The following KIAA0825 variants were observed in gnomAD, a reference collection of about 807,000 sequenced individuals.
The protein encoded by KIAA0825 is uncharacterized protein KIAA0825.
Under a neutral mutation model 147.6 loss-of-function variants are expected in KIAA0825, and 119 were observed. The ratio of observed to expected loss-of-function variants is 0.81; its 90% confidence interval spans 0.69 to 0.94. The LOEUF (loss-of-function observed/expected upper bound fraction) is 0.94, where lower values mean the gene tolerates loss of function less well. KIAA0825 is among the 40% of genes least tolerant of loss of function. KIAA0825 has a pLI of 0.00. For missense variants in KIAA0825, 1,381 were observed against 1,472.7 expected, an observed-to-expected ratio of 0.94 and a Z score of 1.02; for synonymous variants, 470 against 518.1, an observed-to-expected ratio of 0.91 and a Z score of 1.26.
At chr5:94,349,769 G>T (rs991967997) in intron 20 of KIAA0825, among the ~76,000 whole-genome samples, 1 of 152,106 alleles carries the variant, frequency 6.6e-6, no homozygotes, top group Non-Finnish European at 1.5e-5. Flanking sequence ...AAAACCTCTA[G>T]GCTATAGCAA....
At chr5:94,222,381 A>G (rs1476331288) in intron 20 of KIAA0825, among the ~76,000 whole-genome samples, 1 of 152,200 alleles carries the variant, frequency 6.6e-6, no homozygotes, top group Non-Finnish European at 1.5e-5. Flanking sequence ...TAATGAAAGG[A>G]TCAAGGAGTG....
chr5:94,181,252 G>C (rs1002849126), intron 20 of KIAA0825, among the ~76,000 whole-genome samples: 8 of 152,174 alleles, frequency 5.3e-5, no homozygotes, highest in Admixed American at 3.9e-4. Context: ...TTTAGAATCA[G>C]AAAAGAGAAT....
intron 16 of KIAA0825, 90 bp from the exon 17 acceptor site, chr5:94,396,599 G>A: frequency 9.1e-7 from 1 of 1,102,026 alleles, no homozygotes; most frequent in East Asian, 2.9e-5. Context: ...TCTAATTTTT[G>A]TGGAGAAAAT....
intron 4 of KIAA0825, among the ~76,000 whole-genome samples, chr5:94,521,860 C>T (rs1258139423): frequency 6.6e-6 from 1 of 151,598 alleles, no homozygotes; most frequent in Non-Finnish European, 1.5e-5. Flanking sequence ...AAGCAAGGTC[C>T]AAGTGGCATA....
At chr5:94,431,693 T>G (rs1373817667) in intron 14 of KIAA0825, among the ~76,000 whole-genome samples, 1 of 152,150 alleles carries the variant, frequency 6.6e-6, no homozygotes, top group African/African-American at 2.4e-5. Flanking sequence ...TTTCAAAGGC[T>G]CTGTAGCAGG....
intron 2 of KIAA0825, among the ~76,000 whole-genome samples, chr5:94,539,841 A>G (rs2151362688): frequency 1.3e-5 from 2 of 152,214 alleles, no homozygotes; most frequent in Admixed American, 1.3e-4. Context: ...TTGGCTAAGA[A>G]TGGGTTTGGC....
rs953764977 is a variant in KIAA0825 at position 94,618,588 on chromosome 5, G to A, written c.-241C>T. ...CACCAGGTATTACCACCCTGGCGAC[G>A]GCTCCGGAGCGTCACTGACAACCAC... On this transcript the variant is annotated 5_prime_UTR_variant, in exon 1 of 21. Transcript: ENST00000682413. 1.3e-5 allele frequency: 2 copies of A among 154,406 alleles called. No individual in the cohort carries two copies. Among genetic ancestry groups the A allele is most frequent in the Non-Finnish European group, 2.9e-5 (2 of 68,242 alleles). The allele number at this position is 154,406 out of a possible 1,614,324, so 9.6% of individuals were successfully genotyped here.
At chr5:94,379,746 T>C (rs1189060096) in intron 20 of KIAA0825, among the ~76,000 whole-genome samples, 1 of 152,114 alleles carries the variant, frequency 6.6e-6, no homozygotes, top group Non-Finnish European at 1.5e-5. Context: ...TTCCATTTGC[T>C]TTTTTTCATC....
chr5:94,612,529 C>T (rs147390114), intron 1 of KIAA0825, among the ~76,000 whole-genome samples: 309 of 152,280 alleles, frequency 2.0e-3, no homozygotes, highest in Middle Eastern at 3.4e-3. Context: ...CACTCTCCTT[C>T]ATTCTTCACA....
At chr5:94,406,466 G>A (rs950553958) in intron 15 of KIAA0825, among the ~76,000 whole-genome samples, 1 of 152,206 alleles carries the variant, frequency 6.6e-6, no homozygotes, top group Non-Finnish European at 1.5e-5. Flanking sequence ...TAATTTTAAT[G>A]AAGGCATTGG....
intron 20 of KIAA0825, among the ~76,000 whole-genome samples, chr5:94,370,954 A>G (rs1372662207): frequency 1.3e-5 from 2 of 152,004 alleles, no homozygotes; most frequent in African/African-American, 4.8e-5. Flanking sequence ...ACGTAGTGTC[A>G]TAGCCTATTC....
At chr5:94,351,619 C>G (rs191325326) in intron 20 of KIAA0825, among the ~76,000 whole-genome samples, 1 of 152,204 alleles carries the variant, frequency 6.6e-6, no homozygotes, top group East Asian at 1.9e-4. Flanking sequence ...CCTAAAAGAG[C>G]CTGCATAGCC....
At chr5:94,466,882 C>G (rs1018934834) in intron 10 of KIAA0825, among the ~76,000 whole-genome samples, 28 of 151,952 alleles carry the variant, frequency 1.8e-4, no homozygotes, top group Admixed American at 1.2e-3. Flanking sequence ...GCTTGGTTCT[C>G]TCATACCCTT....
At chr5:94,473,183 C>G in intron 8 of KIAA0825, 109 bp downstream of exon 8, 1 of 821,932 alleles carries the variant, frequency 1.2e-6, no homozygotes, top group Non-Finnish European at 1.9e-6. Context: ...GTACCAAGTA[C>G]TTGCCAAGGG....
rs1763403985 is a variant in KIAA0825, at chr5:94,489,122, C to A, written c.971-4192G>T. Among the ~76,000 whole-genome samples the A allele has an allele frequency of 2.0e-5, 3 of 152,130 alleles. No homozygotes were observed. In the South Asian group the frequency reaches 6.2e-4, roughly 31 times the overall value. Reference sequence around the variant, plus strand: ...ACCAGTACCCTCTTCCACTTGTAAACCACTGCTTCTAACATTATCATAGTA... The same window carrying A: ...ACCAGTACCCTCTTCCACTTGTAAAACACTGCTTCTAACATTATCATAGTA... On this transcript the variant is annotated intron_variant, in intron 5 of 20. Coordinates refer to ENST00000682413, the MANE Select transcript of KIAA0825 (RefSeq NM_001145678.3).
Position 94,542,237 on chromosome 5 carries a change from A to T in KIAA0825, c.-1-5110T>A, listed in dbSNP as rs184866252. ...AGAGCTGAAATGTTCATGACTATCAAACACGAGTTAACTGCATTGACTAAA... is the reference window on the plus strand; with the variant it reads ...AGAGCTGAAATGTTCATGACTATCATACACGAGTTAACTGCATTGACTAAA... On this transcript the variant is annotated intron_variant, in intron 2 of 20. Coordinates refer to ENST00000682413, the MANE Select transcript of KIAA0825 (RefSeq NM_001145678.3). 3.9e-4 allele frequency among the ~76,000 whole-genome samples: 60 copies of T among 152,364 alleles called. 1 individual carries two copies. Among genetic ancestry groups the T allele is most frequent in the Admixed American group, 7.2e-4 (11 of 15,306 alleles).
At chr5:94,500,107 A>T (rs1041269740) in intron 5 of KIAA0825, among the ~76,000 whole-genome samples, 1 of 152,140 alleles carries the variant, frequency 6.6e-6, no homozygotes, top group Admixed American at 6.5e-5. Context: ...GAAAAATATG[A>T]GGTGGGGAGA....
At position 94,462,560 on chromosome 5, in the gene KIAA0825, G is replaced by C; in HGVS notation, c.2073C>G (p.Val691=). 1.3e-6 allele frequency: 2 copies of C among 1,500,900 alleles called. No homozygotes were observed. The highest frequency in any genetic ancestry group is 1.8e-6 in the Non-Finnish European group (2 of 1,125,794). 93.0% of individuals were successfully genotyped at this position (1,500,900 alleles called of 1,614,324 possible). Residue 691 remains valine (V), a synonymous_variant, in exon 12 of 21, where the codon GTC becomes GTG. Transcript: ENST00000682413. ...RKRTPQLRLD[V]TTILICTENM... ...TCTCAGTGCATATCAAAATTGTTGTGACATCAAGTCTGTTGGAAAGAAAGA... is the reference window on the plus strand; with the variant it reads ...TCTCAGTGCATATCAAAATTGTTGTCACATCAAGTCTGTTGGAAAGAAAGA...
At chr5:94,405,813 A>G (rs1039396620) in intron 15 of KIAA0825, among the ~76,000 whole-genome samples, 1 of 152,176 alleles carries the variant, frequency 6.6e-6, no homozygotes, top group Non-Finnish European at 1.5e-5. Context: ...GCAATCCACA[A>G]TCTCTAAGTA....
Sources: allele counts gnomAD v4.1 joint callset (sites outside exome capture counted in the v4.1 genomes callset), GRCh38; gene constraint gnomAD v4.1.1; transcripts MANE v1.5; gene names NCBI Gene and HGNC (gene_info 2026-07-23, HGNC 2026-07-21).